The following LDLRAD4 variants were observed in gnomAD, a reference collection of about 807,000 sequenced individuals.
The protein encoded by LDLRAD4 is low-density lipoprotein receptor class A domain-containing protein 4.
LDLRAD4 carries 5 observed loss-of-function variants against 17.0 expected under a neutral mutation model. The ratio of observed to expected loss-of-function variants is 0.29; its 90% CI spans 0.15 to 0.62. LDLRAD4 has a LOEUF of 0.62. Among genes scored for constraint, LDLRAD4 ranks in the 20% least tolerant of loss-of-function variants. LDLRAD4 has a pLI of 0.84. For missense variants in LDLRAD4, 340 were observed against 424.7 expected (o/e 0.80, Z 1.75); for synonymous variants, 168 against 171.8 (o/e 0.98, Z 0.17).
intron 3 of LDLRAD4, among the ~76,000 whole-genome samples, chr18:13,508,340 G>A (rs1361234612): frequency 6.6e-6 from 1 of 152,236 alleles, no homozygotes; most frequent in Non-Finnish European, 1.5e-5. Context: ...AGAAGCTCTA[G>A]CTAAGATCAC....
intron 3 of LDLRAD4, among the ~76,000 whole-genome samples, chr18:13,555,296 T>C (rs116945997): frequency 0.012 from 1,810 of 152,308 alleles, 16 homozygotes; most frequent in Non-Finnish European, 0.02. Context: ...GAGGAAAGAA[T>C]GTCATTCAGT....
At chr18:13,285,980 G>T (rs2045598403) in intron 1 of LDLRAD4, among the ~76,000 whole-genome samples, 1 of 152,114 alleles carries the variant, frequency 6.6e-6, no homozygotes, top group Non-Finnish European at 1.5e-5. Flanking sequence ...TTAAGCGTAC[G>T]GTTCTGTGGC....
intron 1 of LDLRAD4, among the ~76,000 whole-genome samples, chr18:13,361,159 G>C (rs763404212): frequency 1.3e-5 from 2 of 152,204 alleles, no homozygotes; most frequent in Non-Finnish European, 2.9e-5. Context: ...ACTTCTACAA[G>C]CTCCGCCTCC....
chr18:13,231,134 C>T lies in LDLRAD4; in HGVS notation c.-467+12146C>T, dbSNP rs142994538. ...TCTTTCCCTGCCTGCATGGAATGCG[C>T]GCCACGGGCAGCATCGTCTTCGAGT... On this transcript the variant is annotated intron_variant, in intron 1 of 5. Coordinates refer to the LDLRAD4 transcript ENST00000399848. Among the ~76,000 whole-genome samples, 56 of 152,254 alleles carry T rather than the reference C, an allele frequency of 3.7e-4. 1 individual carries two copies. The East Asian group carries it at 0.01, about 27-fold the overall frequency.
At chr18:13,358,757 T>A (rs970999355) in intron 1 of LDLRAD4, among the ~76,000 whole-genome samples, 1 of 152,230 alleles carries the variant, frequency 6.6e-6, no homozygotes, top group Admixed American at 6.5e-5. Context: ...TAATTGATAC[T>A]TAGAAAGTTG....
chr18:13,504,123 G>A (rs980916877), intron 3 of LDLRAD4, among the ~76,000 whole-genome samples: 3 of 152,180 alleles, frequency 2.0e-5, no homozygotes, highest in Non-Finnish European at 2.9e-5. Flanking sequence ...AAGCAGTGGA[G>A]CCAAGAACTG....
At chr18:13,511,511 CAAAA>C (rs1568278862) in intron 3 of LDLRAD4, among the ~76,000 whole-genome samples, 2 of 151,986 alleles carry the variant, frequency 1.3e-5, no homozygotes, top group African/African-American at 4.8e-5. Context: ...GACTCCGTCT[CAAAA>C]TAAATAAATA....
intron 3 of LDLRAD4, among the ~76,000 whole-genome samples, chr18:13,450,675 G>A (rs1281280916): frequency 6.6e-6 from 1 of 152,208 alleles, no homozygotes; most frequent in Non-Finnish European, 1.5e-5. Context: ...AGTGCTAAGT[G>A]GTGTCCTTGA....
intron 1 of LDLRAD4, among the ~76,000 whole-genome samples, chr18:13,363,382 G>A (rs2083833881): frequency 6.6e-6 from 1 of 151,656 alleles, no homozygotes; most frequent in South Asian, 2.1e-4. Context: ...GGTTAGGTGG[G>A]CAGGCTTCAT....
At chr18:13,229,200 C>T (rs780720264) in intron 1 of LDLRAD4, among the ~76,000 whole-genome samples, 11 of 152,276 alleles carry the variant, frequency 7.2e-5, no homozygotes, top group African/African-American at 1.7e-4. Context: ...TGGGACGATT[C>T]GGGTAAAGGC....
intron 3 of LDLRAD4, among the ~76,000 whole-genome samples, chr18:13,458,995 A>G (rs189605109): frequency 1.4e-4 from 21 of 152,188 alleles, no homozygotes; most frequent in Admixed American, 1.4e-3. Context: ...TGGATTCCCA[A>G]CCTGTAGAAC....
intron 3 of LDLRAD4, among the ~76,000 whole-genome samples, chr18:13,460,283 TC>T: frequency 6.6e-6 from 1 of 152,290 alleles, no homozygotes; most frequent in East Asian, 1.9e-4. Context: ...TCTTTGAACT[TC>T]TGGGCTCAAG....
intron 3 of LDLRAD4, among the ~76,000 whole-genome samples, chr18:13,460,263 A>G (rs996249299): frequency 2.0e-5 from 3 of 152,152 alleles, no homozygotes; most frequent in Non-Finnish European, 2.9e-5. Flanking sequence ...CGCTATCACA[A>G]TTCACTGCAT....
At chr18:13,565,759 G>C (rs1391482088) in intron 3 of LDLRAD4, among the ~76,000 whole-genome samples, 1 of 152,234 alleles carries the variant, frequency 6.6e-6, no homozygotes, top group Non-Finnish European at 1.5e-5. Flanking sequence ...ACCTCACTTT[G>C]TGTGTGGAGG....
chr18:13,481,259 C>T (rs140589038), intron 3 of LDLRAD4, among the ~76,000 whole-genome samples: 72 of 152,290 alleles, frequency 4.7e-4, no homozygotes, highest in African/African-American at 1.7e-3. Context: ...GCTGGGGAAG[C>T]GGGGACAGGA....
intron 1 of LDLRAD4, among the ~76,000 whole-genome samples, chr18:13,281,175 A>C (rs1021868348): frequency 1.3e-5 from 2 of 152,210 alleles, no homozygotes; most frequent in African/African-American, 4.8e-5. Flanking sequence ...TCGCTTGAGC[A>C]CAGAAATTTG....
intron 3 of LDLRAD4, among the ~76,000 whole-genome samples, chr18:13,562,533 A>G (rs1180744614): frequency 6.6e-6 from 1 of 152,202 alleles, no homozygotes; most frequent in Non-Finnish European, 1.5e-5. Context: ...TGGACTGATG[A>G]TGACAGTCAG....
chr18:13,642,043 C>A lies in LDLRAD4; in HGVS notation c.337-1316C>A, dbSNP rs541521634. On this transcript the variant is annotated intron_variant, in intron 4 of 5. Transcript: ENST00000359446. ...CCCGCTGGCGCCGGACCCCCGCCCT[C>A]GTCTGTGCCTGCCAGGCCGGGCCCT... The A allele has an allele frequency of 4.9e-3, 4,803 of 985,382 alleles. 20 individuals are homozygous for A. Among genetic ancestry groups the A allele is most frequent in the Middle Eastern group, 9.9e-3 (19 of 1,916 alleles). 61.0% of individuals were successfully genotyped at this position (985,382 alleles called of 1,614,324 possible).
At chr18:13,250,797 C>T (rs1047362523) in intron 1 of LDLRAD4, among the ~76,000 whole-genome samples, 3 of 152,174 alleles carry the variant, frequency 2.0e-5, no homozygotes, top group African/African-American at 7.2e-5. Context: ...TTCTACCAAA[C>T]CTTTAAAGAA....
Sources: allele counts gnomAD v4.1 joint callset (sites outside exome capture counted in the v4.1 genomes callset), GRCh38; gene constraint gnomAD v4.1.1; transcripts MANE v1.5; gene names NCBI Gene and HGNC (gene_info 2026-07-23, HGNC 2026-07-21).